ALDH9A1: variants seen among roughly 807,000 people sequenced by gnomAD.
The protein encoded by ALDH9A1 is aldehyde dehydrogenase 9 family member A1.
ALDH9A1 carries 42 observed loss-of-function variants against 56.6 expected under a neutral mutation model. The observed-to-expected ratio is 0.74, with a 90% CI of 0.58 to 0.96. The LOEUF is 0.96. Among genes scored for constraint, ALDH9A1 ranks in the 40% least tolerant of loss-of-function variants. ALDH9A1 has a pLI of 0.00. For synonymous variants in ALDH9A1, 242 were observed against 236.0 expected (o/e 1.03, Z -0.23); for missense variants, 661 against 651.5 (o/e 1.01, Z -0.16).
intron 5 of ALDH9A1, 143 bp from the exon 6 acceptor site, chr1:165,679,725 C>T (rs1001385296): frequency 2.3e-6 from 2 of 859,226 alleles, no homozygotes; most frequent in Non-Finnish European, 3.6e-6. Flanking sequence ...TGCCTTTTGG[C>T]TATTAAAATA....
chr1:165,686,907 A>G (rs764596223), intron 2 of ALDH9A1, among the ~76,000 whole-genome samples: 7 of 152,194 alleles, frequency 4.6e-5, no homozygotes, highest in Non-Finnish European at 1.0e-4. Context: ...ATAACACAAC[A>G]GAACTAGTAG....
intron 2 of ALDH9A1, among the ~76,000 whole-genome samples, chr1:165,684,539 C>T (rs996023622): frequency 6.6e-6 from 1 of 152,174 alleles, no homozygotes; most frequent in Non-Finnish European, 1.5e-5. Flanking sequence ...AATTATTCCC[C>T]ATTCTTAAGT....
intron 2 of ALDH9A1, among the ~76,000 whole-genome samples, chr1:165,684,519 A>G (rs12565874): frequency 0.67 from 102,587 of 152,044 alleles, 35,014 homozygotes; most frequent in East Asian, 0.98. Context: ...CAATTCTTAC[A>G]CCAAGCATAA....
At chr1:165,687,586 C>T (rs1649751518) in intron 2 of ALDH9A1, among the ~76,000 whole-genome samples, 1 of 130,334 alleles carries the variant, frequency 7.7e-6, no homozygotes, top group Non-Finnish European at 1.7e-5. Context: ...CTTTAAAGTA[C>T]TGAAAGAAAA....
At position 165,680,667 on chromosome 1, in the gene ALDH9A1, A is replaced by G; in HGVS notation, c.609T>C (p.Phe203=). The change falls in exon 5 of 11, where the codon TTT becomes TTC. Residue 203 remains phenylalanine (F), a synonymous_variant. Transcript: ENST00000354775. ...AAACAGGTGTAAAGGGAGAAGGTTT[A>G]AAGACCATGGCATTACCTGCATAAA... ...PALACGNAMV[F]KPSPFTPVSA... 1 of 1,611,626 alleles carries G rather than the reference A, an allele frequency of 6.2e-7. No individual in the cohort carries two copies. Among genetic ancestry groups the G allele is most frequent in the South Asian group, 1.1e-5 (1 of 90,612 alleles).
chr1:165,680,000 G>C (rs918607980), intron 5 of ALDH9A1, among the ~76,000 whole-genome samples: 1 of 152,104 alleles, frequency 6.6e-6, no homozygotes, highest in East Asian at 1.9e-4. Flanking sequence ...GCAACAGGGT[G>C]AGACCCTGTC....
Position 165,684,198 on chromosome 1 carries a change from T to C in ALDH9A1, c.328-1088A>G, listed in dbSNP as rs75915837. Among the ~76,000 whole-genome samples the C allele has an allele frequency of 5.8e-3, 882 of 152,342 alleles. 8 individuals carry two copies. The highest frequency in any genetic ancestry group is 0.02 in the African/African-American group (836 of 41,588). On this transcript the variant is annotated intron_variant, in intron 2 of 10. Coordinates refer to ENST00000354775, the MANE Select transcript of ALDH9A1 (RefSeq NM_000696.4). ...TATAAAGGCCAGAGGTATAAAGTGC[T>C]TTGACTCATTCATTCTACATTCATT... is the stretch of plus-strand genomic sequence containing the variant.
At chr1:165,684,331 C>T (rs916871218) in intron 2 of ALDH9A1, among the ~76,000 whole-genome samples, 35 of 152,130 alleles carry the variant, frequency 2.3e-4, no homozygotes, top group African/African-American at 8.2e-4. Flanking sequence ...AGACATTTTC[C>T]TTCAGAAAGG....
At chr1:165,686,775 G>A (rs1649722546) in intron 2 of ALDH9A1, among the ~76,000 whole-genome samples, 1 of 152,082 alleles carries the variant, frequency 6.6e-6, no homozygotes, top group Non-Finnish European at 1.5e-5. Flanking sequence ...GCAATATAAT[G>A]TGCCCTAGTG....
chr1:165,694,818 T>C (rs976875848), intron 2 of ALDH9A1, among the ~76,000 whole-genome samples: 55 of 152,010 alleles, frequency 3.6e-4, no homozygotes, highest in Non-Finnish European at 8.8e-5. Flanking sequence ...TAGCCAGGCA[T>C]GGTGGCACAC....
At chr1:165,676,484 A>G in intron 6 of ALDH9A1, 1 of 275,258 alleles carries the variant, frequency 3.6e-6, no homozygotes, top group Non-Finnish European at 6.9e-6. Flanking sequence ...ATTACCTGGG[A>G]AAAACTGGAA....
At chr1:165,666,369 A>C (rs1206487830) in intron 9 of ALDH9A1, among the ~76,000 whole-genome samples, 1 of 152,224 alleles carries the variant, frequency 6.6e-6, no homozygotes, top group African/African-American at 2.4e-5. Flanking sequence ...AAAACCACTG[A>C]ATTGTACACT....
intron 6 of ALDH9A1, among the ~76,000 whole-genome samples, chr1:165,669,961 C>T (rs1163590001): frequency 6.6e-6 from 1 of 152,178 alleles, no homozygotes; most frequent in African/African-American, 2.4e-5. Flanking sequence ...TCCAAAAACA[C>T]AGCCAAGTGC....
intron 6 of ALDH9A1, among the ~76,000 whole-genome samples, chr1:165,670,202 G>A (rs1649132010): frequency 1.3e-5 from 2 of 152,194 alleles, no homozygotes; most frequent in Non-Finnish European, 2.9e-5. Flanking sequence ...GGAGGACAAG[G>A]TGGGCGGATC....
At chr1:165,687,588 G>A (rs1198247402) in intron 2 of ALDH9A1, among the ~76,000 whole-genome samples, 1 of 129,686 alleles carries the variant, frequency 7.7e-6, no homozygotes, top group African/African-American at 2.8e-5. Flanking sequence ...TTAAAGTACT[G>A]AAAGAAAAAA....
At chr1:165,695,456 T>G in intron 1 of ALDH9A1, 59 bp from the exon 2 acceptor site, 2 of 1,344,320 alleles carry the variant, frequency 1.5e-6, no homozygotes, top group Non-Finnish European at 2.0e-6. Context: ...TTAAATAAAA[T>G]ATTATCTATC....
Position 165,682,165 on chromosome 1 carries a change from T to C in ALDH9A1, c.534A>G (p.Gly178=). The change falls in exon 4 of 11, where the codon GGA becomes GGG. Residue 178 remains glycine, a synonymous_variant. Coordinates refer to ENST00000354775, the MANE Select transcript of ALDH9A1 (RefSeq NM_000696.4). ...CAATCTGAAAGGGGTAGTTCCATGC[T>C]CCTATTCCCACACATACCCCAAGTG... ...REPLGVCVGI[G]AWNYPFQIAS... is the part of the protein sequence containing the mutation. The C allele has an allele frequency of 6.2e-7, 1 of 1,614,068 alleles. No individual in the cohort carries two copies. The highest frequency in any genetic ancestry group is 8.5e-7 in the Non-Finnish European group (1 of 1,179,950).
intron 8 of ALDH9A1, 89 bp from the exon 9 acceptor site, chr1:165,667,539 C>A (rs1165461923): frequency 7.0e-7 from 1 of 1,434,716 alleles, no homozygotes; most frequent in African/African-American, 1.4e-5. Context: ...TCGGGTCTCA[C>A]TATGTTGCCC....
chr1:165,691,815 T>A (rs374373479), intron 2 of ALDH9A1, among the ~76,000 whole-genome samples: 142 of 152,054 alleles, frequency 9.3e-4, no homozygotes, highest in Non-Finnish European at 1.5e-3. Flanking sequence ...GATGCAAAAA[T>A]CCTCAATAAA....
Sources: allele counts gnomAD v4.1 joint callset (sites outside exome capture counted in the v4.1 genomes callset), GRCh38; gene constraint gnomAD v4.1.1; transcripts MANE v1.5; gene names NCBI Gene and HGNC (gene_info 2026-07-23, HGNC 2026-07-21).